BHMT2: variants seen among roughly 807,000 people sequenced by gnomAD.
BHMT2 encodes the protein betaine--homocysteine S-methyltransferase 2, also known as S-methylmethionine--homocysteine S-methyltransferase BHMT2.
Under a neutral mutation model 39.0 loss-of-function variants are expected in BHMT2, and 28 were observed. The ratio of observed to expected loss-of-function variants is 0.72; its 90% CI spans 0.53 to 0.98. The LOEUF is 0.98. Ranked by LOEUF, BHMT2 falls within the 50% of genes least tolerant of loss-of-function variation. The pLI is 0.00. For synonymous variants in BHMT2, 145 were observed against 160.6 expected, an observed-to-expected ratio of 0.90 and a Z score of 0.74; for missense variants, 410 against 455.6, an observed-to-expected ratio of 0.90 and a Z score of 0.91.
At chr5:79,085,306 T>C (rs1413078054) in intron 7 of BHMT2, among the ~76,000 whole-genome samples, 1 of 152,232 alleles carries the variant, frequency 6.6e-6, no homozygotes. Context: ...ACTGACCAGC[T>C]CTAGAACTTC....
intron 7 of BHMT2, among the ~76,000 whole-genome samples, chr5:79,087,942 G>C (rs1205194352): frequency 6.6e-6 from 1 of 152,214 alleles, no homozygotes; most frequent in Admixed American, 6.5e-5. Context: ...TACTTTGGGA[G>C]GCCAAGGCAG....
At chr5:79,080,924 A>G in intron 4 of BHMT2, 46 bp downstream of exon 4, 2 of 1,488,600 alleles carry the variant, frequency 1.3e-6, no homozygotes, top group African/African-American at 1.4e-5. Flanking sequence ...TTTTGCAAGC[A>G]TAACTGCAGA....
intron 2 of BHMT2, chr5:79,077,849 A>C: frequency 2.9e-6 from 1 of 345,934 alleles, no homozygotes; most frequent in Admixed American, 4.2e-5. Context: ...ACGCCCACAC[A>C]CACTCCCACA....
intron 7 of BHMT2, among the ~76,000 whole-genome samples, chr5:79,086,042 C>G (rs1755886910): frequency 6.6e-6 from 1 of 152,190 alleles, no homozygotes; most frequent in Non-Finnish European, 1.5e-5. Context: ...CAGAGGCTCC[C>G]ACTGGAAACT....
In BHMT2 at chr5:79,083,332, T is replaced by C; in HGVS notation, c.739T>C (p.Cys247Arg). Residue 247 changes from cysteine (C) to arginine (R), a missense_variant, in exon 6 of 8, where the codon TGT (cysteine) becomes CGT (arginine). By Grantham distance (180) the Cys-to-Arg change is radical. Transcript: ENST00000255192. ...VQPLGFHAPD[C>R]GKEGFVDLPE... Reference sequence around the variant, plus strand: ...GCCTCTGGGGTTCCACGCGCCTGACTGTGGCAAAGAGGGGTTTGTGGATCT... The same window carrying C: ...GCCTCTGGGGTTCCACGCGCCTGACCGTGGCAAAGAGGGGTTTGTGGATCT... The C allele has an allele frequency of 6.2e-7, 1 of 1,610,270 alleles. No individual in the cohort carries two copies. The highest frequency in any genetic ancestry group is 8.5e-7 in the Non-Finnish European group (1 of 1,177,394).
At chr5:79,083,122 A>ACCT in intron 5 of BHMT2, 70 bp from the exon 6 acceptor site, 1 of 1,589,690 alleles carries the variant, frequency 6.3e-7, no homozygotes, top group Non-Finnish European at 8.6e-7. Context: ...CCTCTAAGGT[A>ACCT]CCTTCCAACT....
chr5:79,083,216 G>T lies in BHMT2; in HGVS notation c.623G>T (p.Cys208Phe), dbSNP rs1755824886. ...KAGASIVGVN[C>F]RFGPDTSLKT... ...GGGGCTTCCATCGTTGGCGTGAACT[G>T]CCGCTTTGGGCCCGACACCAGCTTG... Residue 208 changes from cysteine (C) to phenylalanine (F), a missense_variant, in exon 6 of 8, where the codon TGC becomes TTC. Transcript: ENST00000255192. The T allele has an allele frequency of 1.2e-6, 2 of 1,613,970 alleles. No individual in the cohort carries two copies. Among genetic ancestry groups the T allele is most frequent in the Non-Finnish European group, 1.7e-6 (2 of 1,180,040 alleles).
intron 1 of BHMT2, among the ~76,000 whole-genome samples, chr5:79,072,461 T>G (rs957640542): frequency 6.6e-6 from 1 of 152,208 alleles, no homozygotes; most frequent in Non-Finnish European, 1.5e-5. Flanking sequence ...GGACAAAAAT[T>G]CTAGCATATG....
intron 3 of BHMT2, 123 bp from the exon 4 acceptor site, chr5:79,080,564 C>A: frequency 1.3e-6 from 1 of 789,194 alleles, no homozygotes; most frequent in Non-Finnish European, 2.0e-6. Flanking sequence ...CTGGTCTTTT[C>A]TGCTTGCATT....
chr5:79,085,827 G>A (rs1202408079), intron 7 of BHMT2, among the ~76,000 whole-genome samples: 1 of 152,204 alleles, frequency 6.6e-6, no homozygotes, highest in Non-Finnish European at 1.5e-5. Context: ...AACCAGGAGA[G>A]GCCAGCGCGC....
intron 1 of BHMT2, among the ~76,000 whole-genome samples, chr5:79,070,047 C>T (rs1755526332): frequency 6.6e-6 from 1 of 152,216 alleles, no homozygotes; most frequent in African/African-American, 2.4e-5. Flanking sequence ...TCCTCATCTT[C>T]ACAATTATCC....
At chr5:79,075,588 G>A (rs145988442) in intron 1 of BHMT2, among the ~76,000 whole-genome samples, 19 of 152,254 alleles carry the variant, frequency 1.2e-4, no homozygotes, top group African/African-American at 4.1e-4. Flanking sequence ...TCAATAAAAG[G>A]TTGCATCTTC....
chr5:79,079,832 T>C (rs989583135), intron 3 of BHMT2, among the ~76,000 whole-genome samples: 1 of 151,056 alleles, frequency 6.6e-6, no homozygotes, highest in Non-Finnish European at 1.5e-5. Context: ...GGAGATAGCA[T>C]TGAGCCGAGA....
chr5:79,080,928 C>T, intron 4 of BHMT2, 50 bp downstream of exon 4: 4 of 1,467,466 alleles, frequency 2.7e-6, no homozygotes, highest in Non-Finnish European at 3.6e-6. Context: ...GCAAGCATAA[C>T]TGCAGAGTCT....
At chr5:79,080,911 C>T (rs776531486) in intron 4 of BHMT2, 33 bp downstream of exon 4, 6 of 1,522,660 alleles carry the variant, frequency 3.9e-6, no homozygotes, top group Non-Finnish European at 5.3e-6. Flanking sequence ...AGGATTGAAC[C>T]TATTTTGCAA....
At position 79,079,364 on chromosome 5, in the gene BHMT2, T is replaced by A; in HGVS notation, c.167-5T>A. ...TTCAATGTTTAAAACCCAACTACTT[T>A]GTAGTTCGTCAACTTCACATGGAAT... On this transcript the variant is annotated splice_region_variant and splice_polypyrimidine_tract_variant and intron_variant, in intron 2 of 7. Transcript: ENST00000255192. 1 of 1,597,892 alleles carries A rather than the reference T, an allele frequency of 6.3e-7. No homozygotes were observed. Among genetic ancestry groups the A allele is most frequent in the Middle Eastern group, 1.7e-4 (1 of 6,028 alleles).
chr5:79,072,747 C>A (rs1755604341), intron 1 of BHMT2, among the ~76,000 whole-genome samples: 1 of 152,160 alleles, frequency 6.6e-6, no homozygotes, highest in African/African-American at 2.4e-5. Flanking sequence ...TGAGCCTGTG[C>A]TCTGGTAGCA....
In BHMT2 at chr5:79,079,398, G is replaced by A. The variant is rs760335543; in HGVS notation, c.196G>A (p.Ala66Thr). The A allele has an allele frequency of 2.5e-6, 4 of 1,613,788 alleles. No individual in the cohort carries two copies. The highest frequency in any genetic ancestry group is 1.6e-4 in the Middle Eastern group (1 of 6,062). ...TCAACTTCACATGGAATTCTTGAGA[G>A]CAGGATCAAATGTCATGCAGACTTT... ...VRQLHMEFLR[A>T]GSNVMQTFTF... Residue 66 changes from alanine to threonine, a missense_variant, in exon 3 of 8, where the codon GCA becomes ACA. Transcript: ENST00000255192.
At chr5:79,076,783 C>T (rs1371710937) in intron 1 of BHMT2, among the ~76,000 whole-genome samples, 8 of 152,150 alleles carry the variant, frequency 5.3e-5, no homozygotes, top group Non-Finnish European at 8.8e-5. Flanking sequence ...TGTCCACTAC[C>T]GTTCTGTTCA....
Sources: gnomAD v4.1 joint callset for allele counts (sites outside exome capture counted in the v4.1 genomes callset) on GRCh38, gnomAD v4.1.1 for gene constraint, MANE v1.5 for transcripts, NCBI Gene and HGNC (gene_info 2026-07-23, HGNC 2026-07-21) for gene names.